Variants in PXDN observed in about 807,000 individuals in gnomAD.
The protein encoded by PXDN is peroxidasin homolog.
In PXDN, 77 loss-of-function variants were observed where a neutral mutation model predicts 140.3. The observed-to-expected ratio is 0.55, with a 90% CI of 0.46 to 0.66. PXDN has a LOEUF of 0.66. Ranked by LOEUF, PXDN falls within the 30% of genes least tolerant of loss-of-function variation. PXDN has a pLI of 0.00. For synonymous variants in PXDN, 911 were observed against 857.4 expected (o/e 1.06, Z -1.09); for missense variants, 1,838 against 2,039.5 (o/e 0.90, Z 1.90).
At chr2:1,720,845 G>A (rs771130631) in intron 1 of PXDN, among the ~76,000 whole-genome samples, 3 of 152,058 alleles carry the variant, frequency 2.0e-5, no homozygotes, top group African/African-American at 4.8e-5. Context: ...CTCCCGGACC[G>A]CAGCTGGTTG....
At chr2:1,672,671 A>G (rs1683603694) in intron 9 of PXDN, among the ~76,000 whole-genome samples, 1 of 152,254 alleles carries the variant, frequency 6.6e-6, no homozygotes. Context: ...AGTCACTGAT[A>G]ACTGTTGATT....
At chr2:1,664,095 G>C (rs1458939347) in intron 11 of PXDN, 2 of 262,920 alleles carry the variant, frequency 7.6e-6, no homozygotes, top group South Asian at 1.6e-4. Context: ...TTGAGTGCTG[G>C]AGATGACGAA....
Position 1,648,555 on chromosome 2 carries a change from C to A in PXDN, c.3225G>T (p.Thr1075=). The A allele has an allele frequency of 6.2e-7, 1 of 1,613,734 alleles. No homozygotes were observed. The highest frequency in any genetic ancestry group is 8.5e-7 in the Non-Finnish European group (1 of 1,179,890). Residue 1075 remains threonine, a synonymous_variant, in exon 17 of 23, where the codon ACG becomes ACT. Transcript: ENST00000252804. The surrounding 1 kb of genome is among the most constrained non-coding windows in gnomAD (Gnocchi z 8.9). ...GCCGGTAAAGCAGTGGGTTGACAAG[C>A]GTGTGGCCAAACCTGAAGGCCGCGG... The part of the protein sequence containing the change: ...FATAAFRFGH[T]LVNPLLYRLD...
intron 1 of PXDN, among the ~76,000 whole-genome samples, chr2:1,717,045 C>A (rs1684911635): frequency 1.3e-5 from 2 of 152,176 alleles, no homozygotes; most frequent in Non-Finnish European, 2.9e-5. Context: ...CTCAACACTC[C>A]CCATTTTTAA....
intron 1 of PXDN, among the ~76,000 whole-genome samples, chr2:1,715,515 G>A (rs1288605532): frequency 6.6e-6 from 1 of 152,184 alleles, no homozygotes; most frequent in Non-Finnish European, 1.5e-5. Context: ...GGACACAGGT[G>A]CAAATAAGGG....
chr2:1,679,133 GTT>G (rs1683802766), intron 7 of PXDN, among the ~76,000 whole-genome samples: 1 of 149,068 alleles, frequency 6.7e-6, no homozygotes, highest in African/African-American at 2.5e-5. Context: ...TAAATGGTGT[GTT>G]TGTGGATGGT....
In PXDN at chr2:1,633,093, C is replaced by G. The variant is rs1682453414; in HGVS notation, c.*1111G>C. 6.6e-6 allele frequency: 1 copy of G among 151,868 alleles called. No homozygotes were observed. The highest frequency in any genetic ancestry group is 1.5e-5 in the Non-Finnish European group (1 of 67,926). 9.4% of individuals were successfully genotyped at this position (151,868 alleles called of 1,614,324 possible). ...AGTGGAAATGGTTTTTCTGCCATAT[C>G]TAATACCTAAAAAATGGACACAATT... On this transcript the variant is annotated 3_prime_UTR_variant, in exon 23 of 23. Coordinates refer to ENST00000252804, the MANE Select transcript of PXDN (RefSeq NM_012293.3).
At chr2:1,731,152 GCA>G (rs72079011) in intron 1 of PXDN, among the ~76,000 whole-genome samples, 52,878 of 135,966 alleles carry the variant, frequency 0.39, 10,544 homozygotes, top group Admixed American at 0.54. Context: ...GAGCGCGCGC[GCA>G]CACACACACA....
At chr2:1,725,874 T>C (rs1249253068) in intron 1 of PXDN, among the ~76,000 whole-genome samples, 1 of 151,796 alleles carries the variant, frequency 6.6e-6, no homozygotes, top group Non-Finnish European at 1.5e-5. Context: ...AAAACCACAA[T>C]GAGATACCAT....
intron 8 of PXDN, among the ~76,000 whole-genome samples, chr2:1,674,783 T>TAC (rs1477017295): frequency 6.6e-6 from 1 of 152,126 alleles, no homozygotes; most frequent in Middle Eastern, 3.2e-3. Flanking sequence ...AGAGAACTCC[T>TAC]ACTTGCAGAT....
In PXDN at chr2:1,643,309, C is replaced by T; in HGVS notation, c.3952+59G>A. 10 of 1,545,286 alleles carry T rather than the reference C, an allele frequency of 6.5e-6. No individual in the cohort carries two copies. The South Asian group carries it at 1.1e-4, about 17-fold the overall frequency. ...CATCTGCAGGTCATTAAGCACCCGC[C>T]AAGCAGTCACCAAAACCAGGGATGA... On this transcript the variant is annotated intron_variant, in intron 19 of 22. Coordinates refer to ENST00000252804, the MANE Select transcript of PXDN (RefSeq NM_012293.3).
At chr2:1,680,448 T>G (rs6759695) in intron 6 of PXDN, 86 bp from the exon 7 acceptor site, 6 of 1,512,908 alleles carry the variant, frequency 4.0e-6, no homozygotes. Flanking sequence ...AGGTCCCGCG[T>G]CGGGAAACAT....
At chr2:1,697,324 C>T (rs1000927338) in intron 1 of PXDN, among the ~76,000 whole-genome samples, 1 of 152,334 alleles carries the variant, frequency 6.6e-6, no homozygotes, top group Non-Finnish European at 1.5e-5. Context: ...TTGCTTGTTT[C>T]CTCTGCATTT....
chr2:1,681,119 G>A (rs890283870), intron 6 of PXDN, among the ~76,000 whole-genome samples: 1 of 152,102 alleles, frequency 6.6e-6, no homozygotes, highest in Non-Finnish European at 1.5e-5. Flanking sequence ...GGTGGGAAGG[G>A]GTCCCCAGGC....
intron 9 of PXDN, among the ~76,000 whole-genome samples, chr2:1,673,094 G>C (rs1407708302): frequency 1.3e-5 from 2 of 152,226 alleles, no homozygotes; most frequent in South Asian, 2.1e-4. Flanking sequence ...GATCAGAGCA[G>C]AGTTTGCAAC....
At chr2:1,643,659 C>A in intron 18 of PXDN, 83 bp from the exon 19 acceptor site, 1 of 1,448,168 alleles carries the variant, frequency 6.9e-7, no homozygotes, top group Non-Finnish European at 9.6e-7. Context: ...ATCTCCCCTG[C>A]TTAGTTCACA....
At position 1,666,353 on chromosome 2, in the gene PXDN, T is replaced by C; in HGVS notation, c.1152A>G (p.Pro384=). ...SWTRGDRTPL[P]VDPRVNITPS... is the part of the protein sequence containing the mutation. ...GCGTGATGTTCACCCGCGGGTCAAC[T>C]GGCAAGGGTGTGCGGTCACCTCTCG... The change falls in exon 10 of 23, where the codon CCA becomes CCG. Residue 384 remains proline, a synonymous_variant. Coordinates refer to ENST00000252804, the MANE Select transcript of PXDN (RefSeq NM_012293.3). 1 of 1,613,638 alleles carries C rather than the reference T, an allele frequency of 6.2e-7. No individual in the cohort carries two copies. The highest frequency in any genetic ancestry group is 8.5e-7 in the Non-Finnish European group (1 of 1,179,896).
At chr2:1,676,860 G>T in intron 8 of PXDN, 67 bp downstream of exon 8, 1 of 1,434,892 alleles carries the variant, frequency 7.0e-7, no homozygotes, top group Non-Finnish European at 9.6e-7. Flanking sequence ...GGAGTGAGGT[G>T]TGGTTTGGGT....
Position 1,660,190 on chromosome 2 carries a change from T to C in PXDN, c.1837+691A>G, listed in dbSNP as rs1173552770. Among the ~76,000 whole-genome samples, 1 of 151,898 alleles carries C rather than the reference T, an allele frequency of 6.6e-6. No individual in the cohort carries two copies. Among genetic ancestry groups the C allele is most frequent in the Non-Finnish European group, 1.5e-5 (1 of 67,980 alleles). On this transcript the variant is annotated intron_variant, in intron 14 of 22. Transcript: ENST00000252804. This position sits in a 1 kb window ranked among gnomAD's most constrained non-coding sequence, Gnocchi z 4.6. ...GTCACCCTGGTGGCCACAGGAGACA[T>C]GGAGAAGGGTCAGGGACACATCATG...
Sources: gnomAD v4.1 joint callset for allele counts (sites outside exome capture counted in the v4.1 genomes callset) on GRCh38, gnomAD v4.1.1 for gene constraint, Gnocchi (gnomAD v3.1) non-coding constraint, MANE v1.5 for transcripts, NCBI Gene and HGNC (gene_info 2026-07-23, HGNC 2026-07-21) for gene names.